Variants in CCDC178 observed in about 807,000 individuals in gnomAD.
CCDC178 encodes the protein coiled-coil domain-containing protein 178.
In CCDC178, 126 loss-of-function variants were observed where a neutral mutation model predicts 117.4. The ratio of observed to expected loss-of-function variants is 1.07; its 90% CI spans 0.93 to 1.24. CCDC178 has a LOEUF of 1.24. Among genes scored for constraint, CCDC178 ranks in the 50% most tolerant of loss-of-function variants. The pLI, the probability that CCDC178 is intolerant of heterozygous loss-of-function variation, is 0.00. For missense variants in CCDC178, 1,030 were observed against 986.9 expected (o/e 1.04, Z -0.59); for synonymous variants, 283 against 313.4 (o/e 0.90, Z 1.02).
At chr18:33,172,915 T>C (rs2058620530) in intron 20 of CCDC178, among the ~76,000 whole-genome samples, 1 of 152,232 alleles carries the variant, frequency 6.6e-6, no homozygotes, top group East Asian at 1.9e-4. Flanking sequence ...AACTGATATA[T>C]ATCCTTCCTG....
intron 11 of CCDC178, among the ~76,000 whole-genome samples, chr18:33,307,516 T>G (rs958611909): frequency 3.9e-5 from 6 of 152,204 alleles, no homozygotes; most frequent in Admixed American, 1.3e-4. Flanking sequence ...TTAGAAAATG[T>G]GCAGCCTGAT....
chr18:33,289,150 T>C (rs1164215751), intron 12 of CCDC178, among the ~76,000 whole-genome samples: 1 of 152,196 alleles, frequency 6.6e-6, no homozygotes, highest in Non-Finnish European at 1.5e-5. Context: ...TGGATCCTTC[T>C]CTCTTGCCTA....
chr18:32,984,431 T>G (rs904513631), intron 21 of CCDC178, among the ~76,000 whole-genome samples: 4 of 151,954 alleles, frequency 2.6e-5, no homozygotes, highest in African/African-American at 9.7e-5. Context: ...TAATTCATCT[T>G]TTTTCACATT....
intron 20 of CCDC178, among the ~76,000 whole-genome samples, chr18:33,102,588 C>G (rs2057645776): frequency 6.6e-6 from 1 of 151,590 alleles, no homozygotes; most frequent in Non-Finnish European, 1.5e-5. Context: ...TGTCTTCATT[C>G]TTTTGCTGCT....
intron 22 of CCDC178, among the ~76,000 whole-genome samples, chr18:32,965,979 AATT>A (rs1225592750): frequency 6.7e-6 from 1 of 149,382 alleles, no homozygotes; most frequent in Non-Finnish European, 1.5e-5. Flanking sequence ...ATCAATTTTT[AATT>A]ATATCTTTTT....
chr18:33,290,413 G>C (rs1191156239), intron 12 of CCDC178, among the ~76,000 whole-genome samples: 5 of 152,120 alleles, frequency 3.3e-5, no homozygotes, highest in Admixed American at 3.3e-4. Flanking sequence ...CAAAGACATA[G>C]TTTGCCTTTT....
At chr18:33,103,463 T>A (rs2057660030) in intron 20 of CCDC178, among the ~76,000 whole-genome samples, 3 of 151,758 alleles carry the variant, frequency 2.0e-5, no homozygotes, top group African/African-American at 7.2e-5. Context: ...CTATTTGGGC[T>A]CTACTTAGGC....
At chr18:33,365,501 A>G (rs1568178227) in intron 6 of CCDC178, among the ~76,000 whole-genome samples, 1 of 152,102 alleles carries the variant, frequency 6.6e-6, no homozygotes, top group Non-Finnish European at 1.5e-5. Flanking sequence ...TGCAACTGGA[A>G]ATAATGGCAG....
At chr18:33,322,926 T>C (rs1399208118) in intron 11 of CCDC178, among the ~76,000 whole-genome samples, 1 of 150,742 alleles carries the variant, frequency 6.6e-6, no homozygotes, top group Non-Finnish European at 1.5e-5. Flanking sequence ...TGCTATTACA[T>C]CACACAGAAT....
intron 20 of CCDC178, among the ~76,000 whole-genome samples, chr18:33,186,280 GA>G (rs1041672326): frequency 1.3e-5 from 2 of 152,036 alleles, no homozygotes; most frequent in Non-Finnish European, 2.9e-5. Context: ...ATGAGTAAAA[GA>G]GTGTGTATGT....
At chr18:33,138,631 T>C (rs1430276855) in intron 20 of CCDC178, among the ~76,000 whole-genome samples, 1 of 152,248 alleles carries the variant, frequency 6.6e-6, no homozygotes, top group Non-Finnish European at 1.5e-5. Flanking sequence ...GCAAATTGTA[T>C]GTTAAGTGCT....
intron 2 of CCDC178, among the ~76,000 whole-genome samples, chr18:33,417,836 T>C (rs2063967761): frequency 6.6e-6 from 1 of 152,022 alleles, no homozygotes; most frequent in Admixed American, 6.6e-5. Context: ...AATTCCAAAA[T>C]TTAATCAGTA....
intron 20 of CCDC178, among the ~76,000 whole-genome samples, chr18:33,128,329 G>A (rs550235535): frequency 2.0e-5 from 3 of 152,198 alleles, no homozygotes; most frequent in Middle Eastern, 6.8e-3. Context: ...AAACAACTGT[G>A]AACTAAATTC....
At chr18:33,075,698 G>A (rs1300489099) in intron 21 of CCDC178, among the ~76,000 whole-genome samples, 1 of 152,184 alleles carries the variant, frequency 6.6e-6, no homozygotes, top group Admixed American at 6.5e-5. Context: ...CAGGCACGGT[G>A]TGGCTCATGC....
At chr18:33,236,735 G>A (rs1454242604) in intron 15 of CCDC178, among the ~76,000 whole-genome samples, 1 of 152,156 alleles carries the variant, frequency 6.6e-6, no homozygotes, top group Non-Finnish European at 1.5e-5. Context: ...GAATGCTGGA[G>A]TGGAGCAGGG....
At chr18:33,252,319 G>A (rs1031188016) in intron 14 of CCDC178, among the ~76,000 whole-genome samples, 3 of 151,678 alleles carry the variant, frequency 2.0e-5, no homozygotes, top group Non-Finnish European at 4.4e-5. Flanking sequence ...GAGGTAGAAA[G>A]TAGGAATAGA....
intron 21 of CCDC178, among the ~76,000 whole-genome samples, chr18:33,028,558 T>G (rs920073238): frequency 5.9e-5 from 9 of 151,790 alleles, no homozygotes; most frequent in African/African-American, 2.2e-4. Context: ...TATAAAGTTA[T>G]GATGTTGTGG....
chr18:32,984,668 T>A (rs1310204709), intron 21 of CCDC178, among the ~76,000 whole-genome samples: 1 of 151,914 alleles, frequency 6.6e-6, no homozygotes, highest in Non-Finnish European at 1.5e-5. Flanking sequence ...TCCTTGTGAT[T>A]GAAAAAATTG....
chr18:33,158,024 G>C (rs2058421789), intron 20 of CCDC178, among the ~76,000 whole-genome samples: 2 of 152,048 alleles, frequency 1.3e-5, no homozygotes, highest in African/African-American at 4.8e-5. Context: ...AGACTAACTG[G>C]AATGATTTTG....
Sources: allele counts gnomAD v4.1 joint callset (sites outside exome capture counted in the v4.1 genomes callset), GRCh38; gene constraint gnomAD v4.1.1; transcripts MANE v1.5; gene names NCBI Gene and HGNC (gene_info 2026-07-23, HGNC 2026-07-21).